The following CNTN5 variants were observed in gnomAD, a reference collection of about 807,000 sequenced individuals.
CNTN5 encodes contactin 5, also known as contactin-5.
CNTN5 carries 77 observed loss-of-function variants against 129.1 expected under a neutral mutation model. That is an observed-to-expected ratio of 0.60 (90% CI 0.50 to 0.72). The LOEUF is 0.72. Ranked by LOEUF, CNTN5 falls within the 30% of genes least tolerant of loss-of-function variation. The pLI is 0.00. For missense variants in CNTN5, 1,478 were observed against 1,328.8 expected (o/e 1.11, Z -1.75); for synonymous variants, 509 against 465.6 (o/e 1.09, Z -1.20).
chr11:99,577,895 G>A (rs1292365209), intron 3 of CNTN5, among the ~76,000 whole-genome samples: 2 of 151,662 alleles, frequency 1.3e-5, no homozygotes, highest in African/African-American at 2.4e-5. Flanking sequence ...TGTTACATAT[G>A]TATACATGTG....
intron 1 of CNTN5, among the ~76,000 whole-genome samples, chr11:99,198,752 C>G (rs1346554323): frequency 1.3e-5 from 2 of 152,038 alleles, no homozygotes; most frequent in African/African-American, 4.8e-5. Context: ...AATAACAACA[C>G]TTTCTGGTTG....
chr11:99,408,460 A>AAG (rs1160691150), intron 2 of CNTN5, among the ~76,000 whole-genome samples: 4 of 131,888 alleles, frequency 3.0e-5, no homozygotes, highest in Middle Eastern at 4.0e-3. Context: ...GAAAGAAAGA[A>AAG]AGAAAGAAAG....
At chr11:99,631,644 CTT>C (rs144637616) in intron 3 of CNTN5, among the ~76,000 whole-genome samples, 1 of 149,090 alleles carries the variant, frequency 6.7e-6, no homozygotes. Flanking sequence ...ATTTCAAATA[CTT>C]TTTTTTTTAC....
At chr11:99,665,678 G>T (rs181982362) in intron 3 of CNTN5, among the ~76,000 whole-genome samples, 1 of 151,712 alleles carries the variant, frequency 6.6e-6, no homozygotes, top group Non-Finnish European at 1.5e-5. Context: ...GTAGAGCCGG[G>T]GTTGCACAAT....
chr11:99,799,985 T>C (rs1946064077), intron 3 of CNTN5, among the ~76,000 whole-genome samples: 2 of 152,094 alleles, frequency 1.3e-5, no homozygotes, highest in Non-Finnish European at 2.9e-5. Flanking sequence ...ATATTATGTG[T>C]TTTCCAGGAA....
intron 17 of CNTN5, among the ~76,000 whole-genome samples, chr11:100,258,814 A>G (rs1044417254): frequency 1.3e-5 from 2 of 152,220 alleles, no homozygotes; most frequent in African/African-American, 4.8e-5. Context: ...ATGGAAAGGA[A>G]AAAACCCATA....
intron 21 of CNTN5, 157 bp downstream of exon 21, chr11:100,308,625 G>A (rs930684450): frequency 7.4e-7 from 1 of 1,348,682 alleles, no homozygotes; most frequent in African/African-American, 1.5e-5. Flanking sequence ...ACTGGGATGT[G>A]TTATGTTGCT....
chr11:99,760,704 ATAAT>A (rs1253700724), intron 3 of CNTN5, among the ~76,000 whole-genome samples: 3 of 152,152 alleles, frequency 2.0e-5, no homozygotes, highest in African/African-American at 4.8e-5. Context: ...TTAAAGTAAT[ATAAT>A]TAATAACAGC....
chr11:100,340,310 C>G (rs1393722836), intron 21 of CNTN5, among the ~76,000 whole-genome samples, 153 bp from the exon 22 acceptor site: 4 of 152,022 alleles, frequency 2.6e-5, no homozygotes, highest in African/African-American at 9.7e-5. Context: ...TGTGTTTTGG[C>G]CTTATTAGTA....
intron 3 of CNTN5, among the ~76,000 whole-genome samples, chr11:99,802,883 C>G (rs1837765): frequency 6.6e-6 from 1 of 152,108 alleles, no homozygotes; most frequent in African/African-American, 2.4e-5. Flanking sequence ...TAATGCAACA[C>G]CATCTATGCA....
intron 13 of CNTN5, among the ~76,000 whole-genome samples, chr11:100,178,721 AGTGTT>A (rs1367167473): frequency 2.6e-5 from 4 of 152,180 alleles, no homozygotes; most frequent in African/African-American, 9.7e-5. Context: ...TGTGAATAGA[AGTGTT>A]GTGTGCTGTT....
chr11:99,927,013 C>A (rs1471106287), intron 7 of CNTN5, among the ~76,000 whole-genome samples: 1 of 152,048 alleles, frequency 6.6e-6, no homozygotes, highest in East Asian at 1.9e-4. Context: ...TTGAGTGAGA[C>A]TAATTTTAAA....
chr11:99,045,950 A>G (rs1196211519), intron 1 of CNTN5, among the ~76,000 whole-genome samples: 3 of 152,204 alleles, frequency 2.0e-5, no homozygotes, highest in Non-Finnish European at 2.9e-5. Flanking sequence ...CAGTCAAGTT[A>G]TTATTCCAGG....
intron 9 of CNTN5, among the ~76,000 whole-genome samples, chr11:100,045,722 A>T (rs940985109): frequency 3.3e-5 from 4 of 119,422 alleles, no homozygotes; most frequent in African/African-American, 9.8e-5. Context: ...TTTATTATTA[A>T]AAAAAAAAAA....
At chr11:99,996,785 C>A (rs988962610) in intron 8 of CNTN5, among the ~76,000 whole-genome samples, 4 of 152,106 alleles carry the variant, frequency 2.6e-5, no homozygotes, top group African/African-American at 9.7e-5. Flanking sequence ...GTACATCTTA[C>A]ATGGCAGCAG....
chr11:99,726,112 T>A, intron 3 of CNTN5, among the ~76,000 whole-genome samples: 1 of 152,188 alleles, frequency 6.6e-6, no homozygotes, highest in Non-Finnish European at 1.5e-5. Flanking sequence ...GTCAGTGGTA[T>A]CTCCTCTCCC....
chr11:99,692,510 T>C lies in CNTN5; in HGVS notation c.56-127034T>C, dbSNP rs112639153. On this transcript the variant is annotated intron_variant, in intron 3 of 24. Transcript: ENST00000524871. ...TTACAAAGCTTGGTTTTGCAAGATA[T>C]GATATTCAGGGTTGAAATTTCTTTT... 2.6e-3 allele frequency among the ~76,000 whole-genome samples: 397 copies of C among 152,258 alleles called. 2 individuals are homozygous for C. The highest frequency in any genetic ancestry group is 8.1e-3 in the African/African-American group (335 of 41,566).
chr11:100,356,321 C>CT lies in CNTN5; in HGVS notation c.*104dup. ...ACCAGGATCCTGAGATGAGCTTGAG[C>CT]TTTAAAAACTTGGGACTATACATGG... On this transcript the variant is annotated 3_prime_UTR_variant, in exon 25 of 25. Transcript: ENST00000524871. 1.2e-6 allele frequency: 1 copy of CT among 806,854 alleles called. No homozygotes were observed. Among genetic ancestry groups the CT allele is most frequent in the South Asian group, 1.5e-5 (1 of 68,272 alleles). 50.0% of individuals were successfully genotyped at this position (806,854 alleles called of 1,614,324 possible).
intron 4 of CNTN5, among the ~76,000 whole-genome samples, chr11:99,841,566 A>G (rs1430132658): frequency 6.6e-6 from 1 of 151,648 alleles, no homozygotes; most frequent in African/African-American, 2.4e-5. Flanking sequence ...ACATAAGTAT[A>G]ATAAGAGTGA....
Sources: allele counts gnomAD v4.1 joint callset (sites outside exome capture counted in the v4.1 genomes callset), GRCh38; gene constraint gnomAD v4.1.1; transcripts MANE v1.5; gene names NCBI Gene and HGNC (gene_info 2026-07-23, HGNC 2026-07-21).